The following PTPRO variants were observed in gnomAD, a reference collection of about 807,000 sequenced individuals.
The protein encoded by PTPRO is receptor-type tyrosine-protein phosphatase O.
PTPRO carries 62 observed loss-of-function variants against 145.2 expected under a neutral mutation model. The observed-to-expected ratio is 0.43, with a 90% CI of 0.35 to 0.53. The LOEUF (loss-of-function observed/expected upper bound fraction) is 0.53, where lower values mean the gene tolerates loss of function less well. PTPRO is among the 20% of genes least tolerant of loss of function. The pLI is 0.01. For missense variants in PTPRO, 1,345 were observed against 1,482.7 expected (o/e 0.91, Z 1.53); for synonymous variants, 565 against 514.7 (o/e 1.10, Z -1.32).
At chr12:15,492,212 T>C (rs1942013631) in intron 2 of PTPRO, among the ~76,000 whole-genome samples, 1 of 151,994 alleles carries the variant, frequency 6.6e-6, no homozygotes, top group African/African-American at 2.4e-5. Flanking sequence ...AATGGGGAGA[T>C]GAAAAAGCAT....
chr12:15,563,814 T>G (rs1177034307), intron 17 of PTPRO, among the ~76,000 whole-genome samples: 1 of 152,154 alleles, frequency 6.6e-6, no homozygotes, highest in Non-Finnish European at 1.5e-5. Context: ...GATAGGAAAG[T>G]ATTTTTTTGT....
intron 1 of PTPRO, among the ~76,000 whole-genome samples, chr12:15,480,720 AAGATGGATGGATGGAT>A (rs1941759624): frequency 7.1e-6 from 1 of 139,948 alleles, no homozygotes; most frequent in South Asian, 2.4e-4. Context: ...GCTGATGTAG[AAGATGGATGGATGGAT>A]GGATGGATGG....
chr12:15,348,856 C>A (rs1937691874), intron 1 of PTPRO, among the ~76,000 whole-genome samples: 2 of 152,050 alleles, frequency 1.3e-5, no homozygotes, highest in Admixed American at 1.3e-4. Flanking sequence ...GATTTTAGCC[C>A]AGTGAGACCC....
At chr12:15,569,533 T>A in intron 19 of PTPRO, 35 bp downstream of exon 19, 1 of 1,550,614 alleles carries the variant, frequency 6.4e-7, no homozygotes, top group Non-Finnish European at 8.9e-7. Flanking sequence ...CCTTCTGTAA[T>A]GGAAAGGGCC....
Position 15,569,507 on chromosome 12 carries a change from GT to G in PTPRO, c.2829+11del, listed in dbSNP as rs1439883989. 8 of 1,603,696 alleles carry G rather than the reference GT, an allele frequency of 5.0e-6. No individual in the cohort carries two copies. The Admixed American group carries it at 1.3e-4, about 27-fold the overall frequency. ...TTTCTCTTCAGTTTGAGGTGAGTTG[GT>G]TAAGGCATTTTCTACCTTCTGTAAT... On this transcript the variant is annotated intron_variant, in intron 19 of 26. Transcript: ENST00000281171.
intron 1 of PTPRO, among the ~76,000 whole-genome samples, chr12:15,456,001 A>C (rs976462460): frequency 1.5e-4 from 23 of 152,316 alleles, no homozygotes; most frequent in African/African-American, 5.5e-4. Context: ...AACTTAAAAC[A>C]TAATTTAAAA....
At chr12:15,496,646 C>A (rs905021757) in intron 2 of PTPRO, among the ~76,000 whole-genome samples, 4 of 152,136 alleles carry the variant, frequency 2.6e-5, no homozygotes, top group East Asian at 1.9e-4. Context: ...GAAATGTTTT[C>A]TTTAAATTTC....
intron 1 of PTPRO, among the ~76,000 whole-genome samples, chr12:15,386,094 T>C (rs1425309324): frequency 6.6e-6 from 1 of 152,034 alleles, no homozygotes; most frequent in Non-Finnish European, 1.5e-5. Flanking sequence ...CAAAGAGATA[T>C]ATCCCCCACT....
At chr12:15,327,685 G>A (rs73057222) in intron 1 of PTPRO, among the ~76,000 whole-genome samples, 37,455 of 151,836 alleles carry the variant, frequency 0.25, 4,856 homozygotes, top group Non-Finnish European at 0.3. Context: ...TTTTTTGTGC[G>A]CTGGTGTCAT....
intron 1 of PTPRO, among the ~76,000 whole-genome samples, chr12:15,380,787 T>G (rs1938837051): frequency 6.6e-6 from 1 of 152,174 alleles, no homozygotes; most frequent in Non-Finnish European, 1.5e-5. Flanking sequence ...TTTATTGACT[T>G]TTCATTGTAT....
At chr12:15,523,236 A>G (rs974952993) in intron 10 of PTPRO, among the ~76,000 whole-genome samples, 24 of 152,258 alleles carry the variant, frequency 1.6e-4, no homozygotes, top group African/African-American at 5.8e-4. Flanking sequence ...ACATTAGGGG[A>G]AATGATTCTT....
At chr12:15,447,907 T>C (rs917682644) in intron 1 of PTPRO, among the ~76,000 whole-genome samples, 3 of 152,196 alleles carry the variant, frequency 2.0e-5, no homozygotes, top group African/African-American at 7.2e-5. Context: ...GGATTTCATG[T>C]CAGTCTTCTC....
chr12:15,360,948 GTATATACACACACATATATACACACGTA>G (rs1938183628), intron 1 of PTPRO, among the ~76,000 whole-genome samples: 4 of 144,064 alleles, frequency 2.8e-5, no homozygotes, highest in African/African-American at 7.7e-5. Flanking sequence ...ATACACACGT[GTATATACACACACATATATACACACGTA>G]TATATACACA....
In PTPRO at chr12:15,519,000, C is replaced by T. The variant is rs149687820; in HGVS notation, c.1780-1201C>T. ...TATCTTCTCAGCAGCACTCCACTCT[C>T]GGTACCAATTTACTGTATTCATTCG... is the stretch of plus-strand genomic sequence containing the variant. On this transcript the variant is annotated intron_variant, in intron 9 of 26. Transcript: ENST00000281171. 7.2e-3 allele frequency among the ~76,000 whole-genome samples: 1,099 copies of T among 152,272 alleles called. 17 individuals are homozygous for T. The highest frequency in any genetic ancestry group is 0.025 in the African/African-American group (1,052 of 41,576).
intron 20 of PTPRO, among the ~76,000 whole-genome samples, chr12:15,579,413 A>G (rs1565442639): frequency 6.6e-6 from 1 of 152,268 alleles, no homozygotes; most frequent in Non-Finnish European, 1.5e-5. Flanking sequence ...CAAAACAATT[A>G]AAATACATTC....
intron 1 of PTPRO, among the ~76,000 whole-genome samples, chr12:15,436,424 G>C (rs1940596284): frequency 1.3e-5 from 2 of 152,172 alleles, no homozygotes; most frequent in Admixed American, 6.5e-5. Flanking sequence ...CAAAATTGCT[G>C]TGACAGTTTT....
Position 15,475,335 on chromosome 12 carries a change from C to T in PTPRO, c.76-8639C>T, listed in dbSNP as rs536862082. On this transcript the variant is annotated intron_variant, in intron 1 of 26. Coordinates refer to ENST00000281171, the MANE Select transcript of PTPRO (RefSeq NM_030667.3). ...AGCCAGATTTCAATGCTACTGGTTACTCAGTGCCTGATTTGTCTACATTTT... is the reference window on the plus strand; with the variant it reads ...AGCCAGATTTCAATGCTACTGGTTATTCAGTGCCTGATTTGTCTACATTTT... 1.4e-3 allele frequency among the ~76,000 whole-genome samples: 215 copies of T among 152,306 alleles called. 2 individuals are homozygous for T. The highest frequency in any genetic ancestry group is 1.7e-3 in the Non-Finnish European group (119 of 68,024).
At chr12:15,524,157 TA>T (rs34287474) in intron 10 of PTPRO, among the ~76,000 whole-genome samples, 173 of 129,110 alleles carry the variant, frequency 1.3e-3, no homozygotes, top group African/African-American at 2.0e-3. Flanking sequence ...GCTTCGTGGC[TA>T]AAAAAAAAAA....
At chr12:15,508,908 A>G in intron 7 of PTPRO, 141 bp downstream of exon 7, 1 of 838,348 alleles carries the variant, frequency 1.2e-6, no homozygotes, top group Admixed American at 2.0e-5. Context: ...CAAGAGCCAG[A>G]GGGGCCAGAA....
Sources: gnomAD v4.1 joint callset for allele counts (sites outside exome capture counted in the v4.1 genomes callset) on GRCh38, gnomAD v4.1.1 for gene constraint, MANE v1.5 for transcripts, NCBI Gene and HGNC (gene_info 2026-07-23, HGNC 2026-07-21) for gene names.